MRPL58: variants seen among roughly 807,000 people sequenced by gnomAD.
MRPL58 encodes large ribosomal subunit protein mL62.
In MRPL58, 17 loss-of-function variants were observed where a neutral mutation model predicts 26.0. The observed-to-expected ratio is 0.65, with a 90% CI of 0.45 to 0.98. The LOEUF is 0.98. Ranked by LOEUF, MRPL58 falls within the 50% of genes least tolerant of loss-of-function variation. The pLI is 0.00. For missense variants in MRPL58, 250 were observed against 269.0 expected (o/e 0.93, Z 0.49); for synonymous variants, 100 against 99.7 (o/e 1.00, Z -0.02).
chr17:75,018,233 C>CTT (rs11381155), intron 2 of MRPL58, among the ~76,000 whole-genome samples: 42 of 146,912 alleles, frequency 2.9e-4, no homozygotes, highest in African/African-American at 5.8e-4. Flanking sequence ...TCTGAAATAT[C>CTT]TTTTTTTTTT....
chr17:75,018,215 T>C (rs2039987832), intron 2 of MRPL58, among the ~76,000 whole-genome samples: 1 of 150,668 alleles, frequency 6.6e-6, no homozygotes, highest in Non-Finnish European at 1.5e-5. Context: ...TTTTTACATA[T>C]CTATATCTCT....
intron 1 of MRPL58, among the ~76,000 whole-genome samples, chr17:75,014,709 A>G (rs1016545847): frequency 6.6e-5 from 10 of 150,812 alleles, no homozygotes; most frequent in Non-Finnish European, 1.2e-4. Context: ...AGCCTCCCAA[A>G]GTGCTGGGAT....
intron 2 of MRPL58, among the ~76,000 whole-genome samples, chr17:75,017,903 G>A (rs979074889): frequency 6.0e-5 from 9 of 149,726 alleles, no homozygotes; most frequent in African/African-American, 1.7e-4. Context: ...CAGCCTGGGC[G>A]ACACAGCGAG....
rs749392080 is a variant in MRPL58, at chr17:75,020,903, C to G, written c.537-18C>G. 2.5e-6 allele frequency: 4 copies of G among 1,594,734 alleles called. No individual in the cohort carries two copies. Among genetic ancestry groups the G allele is most frequent in the Non-Finnish European group, 3.4e-6 (4 of 1,162,276 alleles). The stretch of plus-strand genomic sequence containing the variant: ...CTGATTGGGCATCTGGGGCTAATTG[C>G]AGTCTTTTTGTTTTCAGGATAGAAA... On this transcript the variant is annotated intron_variant, in intron 5 of 5. Transcript: ENST00000301585.
At chr17:75,019,781 T>G in intron 3 of MRPL58, 22 bp downstream of exon 3, 1 of 1,578,272 alleles carries the variant, frequency 6.3e-7, no homozygotes, top group Non-Finnish European at 8.7e-7. Context: ...CTTGTTGCTT[T>G]CTTTTGCTTT....
intron 1 of MRPL58, among the ~76,000 whole-genome samples, chr17:75,015,555 A>G (rs1257210165): frequency 6.6e-6 from 1 of 152,112 alleles, no homozygotes; most frequent in African/African-American, 2.4e-5. Context: ...AAGAGGAGAG[A>G]GAGAGAAGTA....
Position 75,020,979 on chromosome 17 carries a change from ACAAG to A in MRPL58, c.598_601del (p.Ser200GlyfsTer25), listed in dbSNP as rs1223566275. ...AAAGAGAATTCATTCTGCTGTAAAG[ACAAG>A]CAGGAGGGTCGACATGGACTGAAAT... On this transcript the variant is annotated frameshift_variant, in exon 6 of 6. Coordinates refer to ENST00000301585, the MANE Select transcript of MRPL58 (RefSeq NM_001545.3). LOFTEE classifies it high-confidence loss of function. The A allele has an allele frequency of 6.2e-7, 1 of 1,613,938 alleles. No individual in the cohort carries two copies. Among genetic ancestry groups the A allele is most frequent in the Admixed American group, 1.7e-5 (1 of 60,018 alleles).
Position 75,020,955 on chromosome 17 carries a change from AAG to A in MRPL58, c.575_576del (p.Arg192AsnfsTer40). On this transcript the variant is annotated frameshift_variant, in exon 6 of 6. Transcript: ENST00000301585. LOFTEE classifies it high-confidence loss of function. ...ENMNRERLRQKRIHSAVKTSR... is the reference protein window; with the variant it reads ...ENMNRERLRQXRIHSAVKTSR... ...CATGAATCGGGAAAGGCTGAGACAA[AAG>A]AGAATTCATTCTGCTGTAAAGACAA... 1 of 1,614,046 alleles carries A rather than the reference AAG, an allele frequency of 6.2e-7. No individual in the cohort carries two copies. The highest frequency in any genetic ancestry group is 1.1e-5 in the South Asian group (1 of 91,076).
At chr17:75,014,773 G>A (rs1030221935) in intron 1 of MRPL58, among the ~76,000 whole-genome samples, 2 of 152,192 alleles carry the variant, frequency 1.3e-5, no homozygotes, top group African/African-American at 4.8e-5. Flanking sequence ...GCAGTGAAAG[G>A]ATTGAGTTGC....
intron 1 of MRPL58, among the ~76,000 whole-genome samples, chr17:75,014,784 T>C (rs1246070695): frequency 6.6e-6 from 1 of 152,212 alleles, no homozygotes; most frequent in Non-Finnish European, 1.5e-5. Context: ...ATTGAGTTGC[T>C]ATTAACTGAG....
intron 2 of MRPL58, 21 bp from the exon 3 acceptor site, chr17:75,019,679 G>C (rs771525275): frequency 6.2e-7 from 1 of 1,610,392 alleles, no homozygotes; most frequent in Admixed American, 1.7e-5. Flanking sequence ...TTTTGTGTGT[G>C]TACTTTCTTC....
At chr17:75,020,191 C>A in intron 3 of MRPL58, 122 bp from the exon 4 acceptor site, 1 of 775,096 alleles carries the variant, frequency 1.3e-6, no homozygotes, top group South Asian at 1.6e-5. Context: ...TGGACATAGG[C>A]TACAATGTAC....
At chr17:75,017,802 T>C (rs2039984794) in intron 2 of MRPL58, among the ~76,000 whole-genome samples, 1 of 151,970 alleles carries the variant, frequency 6.6e-6, no homozygotes, top group Non-Finnish European at 1.5e-5. Context: ...TGGGCGCCTG[T>C]GATCCCAGCT....
intron 3 of MRPL58, 32 bp downstream of exon 3, chr17:75,019,791 T>A: frequency 6.4e-7 from 1 of 1,564,904 alleles, no homozygotes; most frequent in Non-Finnish European, 8.7e-7. Context: ...TCTTTTGCTT[T>A]AAAATGTAGC....
intron 1 of MRPL58, among the ~76,000 whole-genome samples, chr17:75,013,527 GT>G (rs2039949463): frequency 3.3e-5 from 5 of 152,242 alleles, no homozygotes; most frequent in Non-Finnish European, 7.3e-5. Context: ...TTATGTTCTA[GT>G]GGAGGGAGAC....
Position 75,020,662 on chromosome 17 carries a change from C to G in MRPL58, c.536+5C>G, listed in dbSNP as rs1201322977. On this transcript the variant is annotated splice_donor_5th_base_variant and intron_variant, in intron 5 of 5. Coordinates refer to ENST00000301585, the MANE Select transcript of MRPL58 (RefSeq NM_001545.3). ...TGTTAAACTTCATAGAATCAGGTAC[C>G]AGGAAATGCCCTAAGATGCTATAAA... 1.9e-6 allele frequency: 3 copies of G among 1,613,384 alleles called. No homozygotes were observed. In the African/African-American group the frequency reaches 4.0e-5, roughly 22 times the overall value.
intron 3 of MRPL58, 103 bp downstream of exon 3, chr17:75,019,862 C>T: frequency 1.2e-6 from 1 of 844,706 alleles, no homozygotes; most frequent in Non-Finnish European, 1.8e-6. Flanking sequence ...GATTTTTCAG[C>T]AGAAGCTTTA....
intron 1 of MRPL58, among the ~76,000 whole-genome samples, chr17:75,016,425 A>G (rs1191564441): frequency 6.6e-6 from 1 of 152,056 alleles, no homozygotes; most frequent in African/African-American, 2.4e-5. Context: ...CAAAAAAAAA[A>G]GAAATGAAGG....
At chr17:75,013,368 C>G (rs1244156526) in intron 1 of MRPL58, among the ~76,000 whole-genome samples, 1 of 152,146 alleles carries the variant, frequency 6.6e-6, no homozygotes, top group African/African-American at 2.4e-5. Flanking sequence ...AGAGATAAGA[C>G]CCACCCAAAC....
Sources: allele counts gnomAD v4.1 joint callset (sites outside exome capture counted in the v4.1 genomes callset), GRCh38; gene constraint gnomAD v4.1.1; transcripts MANE v1.5; gene names NCBI Gene and HGNC (gene_info 2026-07-23, HGNC 2026-07-21).